CFI: variants seen among roughly 807,000 people sequenced by gnomAD.
CFI encodes complement factor I, also known as C3B/C4B inactivator.
A neutral mutation model predicts 78.8 loss-of-function variants in CFI; 66 were observed. The observed-to-expected ratio is 0.84, with a 90% CI of 0.69 to 1.03. The LOEUF (loss-of-function observed/expected upper bound fraction) is 1.03. Ranked by LOEUF, CFI falls within the 50% of genes least tolerant of loss-of-function variation. The pLI, the probability that CFI is intolerant of heterozygous loss-of-function variation, is 0.00. For missense variants in CFI, 706 were observed against 704.5 expected (o/e 1.00, Z -0.02); for synonymous variants, 250 against 232.6 (o/e 1.07, Z -0.68).
At chr4:109,798,668 T>TTGACTCTTACAG (rs1732379500) in intron 1 of CFI, among the ~76,000 whole-genome samples, 1 of 152,014 alleles carries the variant, frequency 6.6e-6, no homozygotes, top group Non-Finnish European at 1.5e-5. Context: ...GGTTGACACT[T>TTGACTCTTACAG]TGACTCTTAC....
At chr4:109,756,927 A>G (rs567971971) in intron 7 of CFI, among the ~76,000 whole-genome samples, 1 of 148,270 alleles carries the variant, frequency 6.7e-6, no homozygotes, top group Non-Finnish European at 1.5e-5. Flanking sequence ...GAAAGAAAGA[A>G]AGAAAGAAAG....
chr4:109,799,378 C>T (rs1202291529), intron 1 of CFI, among the ~76,000 whole-genome samples: 1 of 152,192 alleles, frequency 6.6e-6, no homozygotes, highest in Non-Finnish European at 1.5e-5. Flanking sequence ...ATAGAAAAGA[C>T]AAACACATTA....
chr4:109,775,623 C>A (rs1729130688), intron 1 of CFI, among the ~76,000 whole-genome samples: 1 of 152,188 alleles, frequency 6.6e-6, no homozygotes, highest in East Asian at 1.9e-4. Context: ...ACTTAAATGT[C>A]CCTGTCTGAC....
the CFI span, among the ~76,000 whole-genome samples, chr4:109,733,196 C>G: frequency 6.6e-6 from 1 of 152,196 alleles, no homozygotes; most frequent in Non-Finnish European, 1.5e-5. Context: ...TGGTCTCGAA[C>G]TCCTGACCTC....
chr4:109,751,740 C>G (rs1561290698), intron 8 of CFI, among the ~76,000 whole-genome samples: 1 of 152,160 alleles, frequency 6.6e-6, no homozygotes, highest in Non-Finnish European at 1.5e-5. Context: ...TGTGCCCAGC[C>G]TTAAATCTTT....
In CFI at chr4:109,760,628, T is replaced by C. The variant is rs1384481890; in HGVS notation, c.667A>G (p.Met223Val). 4.5e-6 allele frequency: 7 copies of C among 1,557,090 alleles called. No individual in the cohort carries two copies. Among genetic ancestry groups the C allele is most frequent in the Admixed American group, 1.7e-5 (1 of 59,972 alleles). The change falls in exon 5 of 13, where the codon ATG (methionine) becomes GTG (valine). Residue 223 changes from methionine to valine, a missense_variant. Coordinates refer to ENST00000394634, the MANE Select transcript of CFI (RefSeq NM_000204.5). ...TTCACACACTGAAAGAAGTCATCCA[T>C]TGGAGAATCTGTAAAGCAGGAATTA... is the stretch of plus-strand genomic sequence containing the variant. ...VCYTQKADSPMDDFFQCVNGK... is the reference protein window; with the variant it reads ...VCYTQKADSPVDDFFQCVNGK...
intron 1 of CFI, among the ~76,000 whole-genome samples, chr4:109,770,608 G>A (rs1163112027): frequency 7.6e-5 from 9 of 118,232 alleles, no homozygotes; most frequent in African/African-American, 2.3e-4. Flanking sequence ...TTGCCATTTA[G>A]ACATGAAAAT....
the CFI span, among the ~76,000 whole-genome samples, chr4:109,733,589 T>C: frequency 6.6e-6 from 1 of 152,148 alleles, no homozygotes; most frequent in Non-Finnish European, 1.5e-5. Context: ...AAAGTGGTCA[T>C]ATTCTAGATG....
chr4:109,741,229 A>G (rs1295827571), intron 12 of CFI, 119 bp from the exon 13 acceptor site: 22 of 1,556,094 alleles, frequency 1.4e-5, no homozygotes, highest in Admixed American at 1.9e-5. Flanking sequence ...CAGCAATAGC[A>G]TGGGCTCTCC....
chr4:109,798,872 C>T (rs539487101), intron 1 of CFI, among the ~76,000 whole-genome samples: 1 of 145,230 alleles, frequency 6.9e-6, no homozygotes, highest in South Asian at 2.2e-4. Flanking sequence ...AGATTTCCTT[C>T]AATGCAAGAG....
intron 10 of CFI, 123 bp from the exon 11 acceptor site, chr4:109,746,625 T>A: frequency 1.3e-6 from 1 of 788,246 alleles, no homozygotes; most frequent in Non-Finnish European, 2.0e-6. Flanking sequence ...ATTTTGTAAA[T>A]GCTTGCTGTC....
At position 109,781,705 on chromosome 4, in the gene CFI, A is replaced by C. The variant is rs564047137; in HGVS notation, c.58-14881T>G. Among the ~76,000 whole-genome samples, 6 of 152,300 alleles carry C rather than the reference A, an allele frequency of 3.9e-5. No homozygotes were observed. The South Asian group carries it at 1.2e-3, about 32-fold the overall frequency. ...ACCAAACCCAGGAAAGGACATAACCAAAAAAGAAAACTACAGACTGATATC... is the reference window on the plus strand; with the variant it reads ...ACCAAACCCAGGAAAGGACATAACCCAAAAAGAAAACTACAGACTGATATC... On this transcript the variant is annotated intron_variant, in intron 1 of 12. Transcript: ENST00000394634.
At chr4:109,764,355 G>T (rs1468256577) in intron 3 of CFI, 182 bp downstream of exon 3, 7 of 678,616 alleles carry the variant, frequency 1.0e-5, no homozygotes, top group Non-Finnish European at 1.8e-5. Context: ...TTTGTTGTCA[G>T]CAGGGTTCCA....
chr4:109,749,537 G>T lies in CFI; in HGVS notation c.1006C>A (p.Arg336=), dbSNP rs759676430. Residue 336 remains arginine (R), a synonymous_variant, in exon 9 of 13, where the codon CGA becomes AGA. Coordinates refer to ENST00000394634, the MANE Select transcript of CFI (RefSeq NM_000204.5). The part of the protein sequence containing the change: ...SCGVKNRMHI[R]RKRIVGGKRA... Reference sequence around the variant, plus strand: ...TTTCCTCCCACAATTCGTTTCCTTCGAATGTGCATTCTGTTTTTAACTCCA... The same window carrying T: ...TTTCCTCCCACAATTCGTTTCCTTCTAATGTGCATTCTGTTTTTAACTCCA... 3 of 1,613,508 alleles carry T rather than the reference G, an allele frequency of 1.9e-6. No individual in the cohort carries two copies. Among genetic ancestry groups the T allele is most frequent in the Admixed American group, 1.7e-5 (1 of 59,998 alleles).
In CFI at chr4:109,742,250, G is replaced by C. The variant is rs181789412; in HGVS notation, c.1534+241C>G. The C allele has an allele frequency of 1.4e-5, 7 of 483,088 alleles. No homozygotes were observed. In the East Asian group the frequency reaches 2.5e-4, roughly 17 times the overall value. 29.9% of individuals were successfully genotyped at this position (483,088 alleles called of 1,614,324 possible). On this transcript the variant is annotated intron_variant, in intron 12 of 12. Transcript: ENST00000394634. Reference sequence around the variant, plus strand: ...AAATCTAGGTCTGGTTCCAGAGGCCGTGCTCTTAGTCACCTTGCTGTGCTG... The same window carrying C: ...AAATCTAGGTCTGGTTCCAGAGGCCCTGCTCTTAGTCACCTTGCTGTGCTG...
chr4:109,742,940 A>G (rs1561282674), intron 11 of CFI, among the ~76,000 whole-genome samples: 1 of 152,218 alleles, frequency 6.6e-6, no homozygotes, highest in African/African-American at 2.4e-5. Flanking sequence ...AATACCTCCT[A>G]TCTTCTCACA....
the CFI span, among the ~76,000 whole-genome samples, chr4:109,731,785 G>C: frequency 2.6e-4 from 39 of 152,332 alleles, no homozygotes; most frequent in Non-Finnish European, 2.5e-4. Flanking sequence ...TACAATAAAA[G>C]AGTCGAGGTG....
At chr4:109,786,173 A>T (rs567862429) in intron 1 of CFI, among the ~76,000 whole-genome samples, 1 of 151,992 alleles carries the variant, frequency 6.6e-6, no homozygotes, top group East Asian at 1.9e-4. Context: ...TGGGATTACA[A>T]GTGCCTGCCA....
intron 8 of CFI, among the ~76,000 whole-genome samples, chr4:109,752,147 C>T (rs556056924): frequency 2.1e-4 from 32 of 152,168 alleles, no homozygotes; most frequent in Admixed American, 3.3e-4. Context: ...ATGAGTCATG[C>T]TTGAGAGCTG....
Sources: allele counts gnomAD v4.1 joint callset (sites outside exome capture counted in the v4.1 genomes callset), GRCh38; gene constraint gnomAD v4.1.1; transcripts MANE v1.5; gene names NCBI Gene and HGNC (gene_info 2026-07-23, HGNC 2026-07-21).